The following NCKAP1 variants were observed in gnomAD, a reference collection of about 807,000 sequenced individuals.
NCKAP1 encodes NCK associated protein 1, also known as nck-associated protein 1.
A neutral mutation model predicts 151.2 loss-of-function variants in NCKAP1; 21 were observed. That is an observed-to-expected ratio of 0.14 (90% CI 0.10 to 0.20). NCKAP1 has a LOEUF of 0.20. Ranked by LOEUF, NCKAP1 falls within the 10% of genes least tolerant of loss-of-function variation. The probability of loss-of-function intolerance (pLI) is 1.00; values close to 1 mark genes in which losing one functional copy is unlikely to be tolerated. For synonymous variants in NCKAP1, 484 were observed against 451.8 expected (o/e 1.07, Z -0.90); for missense variants, 933 against 1,352.1 (o/e 0.69, Z 4.86).
At chr2:183,000,410 C>T (rs573139932) in intron 6 of NCKAP1, among the ~76,000 whole-genome samples, 19 of 151,724 alleles carry the variant, frequency 1.3e-4, no homozygotes, top group Middle Eastern at 6.8e-3. Flanking sequence ...GGAGAAAGAA[C>T]CAAATATAAA....
At chr2:182,974,093 T>C (rs1345777602) in intron 15 of NCKAP1, among the ~76,000 whole-genome samples, 1 of 152,066 alleles carries the variant, frequency 6.6e-6, no homozygotes, top group Admixed American at 6.6e-5. Flanking sequence ...TCTGTAGGCT[T>C]GGAACTTTCA....
At position 182,990,967 on chromosome 2, in the gene NCKAP1, A is replaced by C. The variant is rs540772227; in HGVS notation, c.791-1781T>G. 2.0e-4 allele frequency among the ~76,000 whole-genome samples: 30 copies of C among 152,300 alleles called. 1 individual carries two copies. The highest frequency in any genetic ancestry group is 7.0e-4 in the African/African-American group (29 of 41,586). ...AATTATTCAATCTGGCACACAATCA[A>C]AGAAACAGAATACATGTATGAAAGA... On this transcript the variant is annotated intron_variant, in intron 8 of 30. Coordinates refer to ENST00000361354, the MANE Select transcript of NCKAP1 (RefSeq NM_013436.5).
chr2:182,944,192 A>T (rs1256367548), intron 23 of NCKAP1, among the ~76,000 whole-genome samples: 1 of 152,218 alleles, frequency 6.6e-6, no homozygotes, highest in Non-Finnish European at 1.5e-5. Flanking sequence ...CTCACTGATG[A>T]ATAAACTGAA....
chr2:182,951,113 G>A (rs1189086545), intron 23 of NCKAP1, among the ~76,000 whole-genome samples: 5 of 151,920 alleles, frequency 3.3e-5, no homozygotes, highest in African/African-American at 1.2e-4. Context: ...TTACAGGCAT[G>A]AGCCACCACG....
rs890551687 is a variant in NCKAP1 at position 182,981,440 on chromosome 2, G to A, written c.1209-64C>T. The A allele has an allele frequency of 1.6e-5, 20 of 1,266,954 alleles. No homozygotes were observed. In the South Asian group the frequency reaches 1.8e-4, roughly 12 times the overall value. 78.5% of individuals were successfully genotyped at this position (1,266,954 alleles called of 1,614,324 possible). A position where few individuals can be genotyped will look rare whatever the true frequency, so the allele number is the denominator to read the frequency against. ...TTCATCATTATTAAAGAATATATTC[G>A]ATGCCCTTAATCTTATTTCTAAAAG... On this transcript the variant is annotated intron_variant, in intron 12 of 30. Transcript: ENST00000361354.
At chr2:183,037,892 C>A in intron 1 of NCKAP1, 100 bp downstream of exon 1, 1 of 894,288 alleles carries the variant, frequency 1.1e-6, no homozygotes, top group Non-Finnish European at 1.6e-6. Context: ...GAGATTTCTA[C>A]ACCCGGCGCC....
At chr2:182,927,993 A>G in intron 29 of NCKAP1, 124 bp downstream of exon 29, 1 of 579,282 alleles carries the variant, frequency 1.7e-6, no homozygotes, top group Non-Finnish European at 2.9e-6. Flanking sequence ...TTTGAAAACA[A>G]AATGCCATTA....
At chr2:182,963,598 T>C (rs527399428) in intron 17 of NCKAP1, among the ~76,000 whole-genome samples, 1 of 152,204 alleles carries the variant, frequency 6.6e-6, no homozygotes, top group East Asian at 1.9e-4. Context: ...AGAGTACATA[T>C]GAAGAGTATC....
At chr2:183,035,908 A>G (rs1485499419) in intron 1 of NCKAP1, among the ~76,000 whole-genome samples, 1 of 152,174 alleles carries the variant, frequency 6.6e-6, no homozygotes, top group Admixed American at 6.5e-5. Flanking sequence ...ATACTCTAGT[A>G]TTTCAAAAAT....
chr2:183,006,264 T>C (rs957079745), intron 2 of NCKAP1, among the ~76,000 whole-genome samples: 2 of 152,166 alleles, frequency 1.3e-5, no homozygotes, highest in African/African-American at 2.4e-5. Flanking sequence ...CTCATCGAAA[T>C]GGAAGCTGAC....
At chr2:182,950,447 A>T (rs527563756) in intron 23 of NCKAP1, among the ~76,000 whole-genome samples, 2 of 152,264 alleles carry the variant, frequency 1.3e-5, no homozygotes, top group South Asian at 2.1e-4. Context: ...GAGATGAGAA[A>T]TTTCTTATTT....
chr2:182,959,450 T>C (rs1159691821), intron 18 of NCKAP1, among the ~76,000 whole-genome samples: 1 of 152,154 alleles, frequency 6.6e-6, no homozygotes, highest in Non-Finnish European at 1.5e-5. Context: ...AATCAATAAA[T>C]GTAATCCAGC....
At chr2:183,006,776 CTAAGAACATAGG>C (rs142629300) in intron 2 of NCKAP1, among the ~76,000 whole-genome samples, 4,036 of 152,142 alleles carry the variant, frequency 0.027, 78 homozygotes, top group Non-Finnish European at 0.04. Flanking sequence ...AGAAAATGGC[CTAAGAACATAGG>C]TAACACATTG....
chr2:183,031,833 C>T (rs1441845049), intron 1 of NCKAP1, among the ~76,000 whole-genome samples: 1 of 152,054 alleles, frequency 6.6e-6, no homozygotes, highest in Non-Finnish European at 1.5e-5. Context: ...GCTTAGAAAG[C>T]CAAAAAATAC....
At chr2:182,994,759 G>T in intron 8 of NCKAP1, 80 bp downstream of exon 8, 1 of 1,123,278 alleles carries the variant, frequency 8.9e-7, no homozygotes, top group Non-Finnish European at 1.3e-6. Flanking sequence ...AAGCACAGAG[G>T]TAGTAACCAT....
intron 19 of NCKAP1, 179 bp from the exon 20 acceptor site, chr2:182,956,772 T>G (rs1697336661): frequency 3.6e-6 from 2 of 555,298 alleles, no homozygotes; most frequent in East Asian, 6.7e-5. Flanking sequence ...AGAGCAATAT[T>G]CTAAAGATGG....
intron 14 of NCKAP1, among the ~76,000 whole-genome samples, chr2:182,977,164 T>G (rs895512581): frequency 6.6e-6 from 1 of 152,146 alleles, no homozygotes; most frequent in African/African-American, 2.4e-5. Context: ...TTTCCATTGA[T>G]AGATGAATGA....
intron 15 of NCKAP1, among the ~76,000 whole-genome samples, chr2:182,972,407 C>A (rs1209195739): frequency 6.6e-6 from 1 of 151,898 alleles, no homozygotes; most frequent in Non-Finnish European, 1.5e-5. Flanking sequence ...TGGCTATTAT[C>A]AAAAAACAGA....
chr2:182,969,903 AAAAG>A (rs1697651385), intron 15 of NCKAP1, among the ~76,000 whole-genome samples: 2 of 152,018 alleles, frequency 1.3e-5, no homozygotes, highest in Admixed American at 6.6e-5. Flanking sequence ...AATTAAGAAA[AAAAG>A]AAAGAAGACC....
Sources: allele counts gnomAD v4.1 joint callset (sites outside exome capture counted in the v4.1 genomes callset), GRCh38; gene constraint gnomAD v4.1.1; transcripts MANE v1.5; gene names NCBI Gene and HGNC (gene_info 2026-07-23, HGNC 2026-07-21).